Variants in SRGAP2 observed in about 807,000 individuals in gnomAD.
SRGAP2 encodes SLIT-ROBO Rho GTPase-activating protein 2.
A neutral mutation model predicts 57.2 loss-of-function variants in SRGAP2; 15 were observed. The ratio of observed to expected loss-of-function variants is 0.26; its 90% CI spans 0.18 to 0.40. SRGAP2 has a LOEUF of 0.40. Ranked by LOEUF, SRGAP2 falls within the 10% of genes least tolerant of loss-of-function variation. The pLI is 1.00. For synonymous variants in SRGAP2, 249 were observed against 248.0 expected (o/e 1.00, Z -0.04); for missense variants, 520 against 669.6 (o/e 0.78, Z 2.47).
intron 10 of SRGAP2, among the ~76,000 whole-genome samples, chr1:206,410,845 G>A (rs562032527): frequency 8.5e-5 from 13 of 152,234 alleles, no homozygotes; most frequent in African/African-American, 2.6e-4. Context: ...TTATAAGGCT[G>A]GCATTTTCCT....
intron 2 of SRGAP2, among the ~76,000 whole-genome samples, chr1:206,290,293 CTTCT>C (rs1350765543): frequency 1.3e-5 from 2 of 152,132 alleles, no homozygotes; most frequent in African/African-American, 2.4e-5. Context: ...CTTTCTGTAC[CTTCT>C]TTATCGAAAA....
intron 2 of SRGAP2, among the ~76,000 whole-genome samples, chr1:206,299,462 C>CAGGGTTTT (rs1671762554): frequency 7.4e-6 from 1 of 134,962 alleles, no homozygotes; most frequent in Non-Finnish European, 1.6e-5. Context: ...TTCTTTCTGC[C>CAGGGTTTT]CTTTTGTTTG....
chr1:206,207,563 C>G (rs1215261077), intron 2 of SRGAP2: 1 of 151,150 alleles, frequency 6.6e-6, no homozygotes, highest in Non-Finnish European at 1.5e-5. Context: ...CCTCCATGTC[C>G]TGTCCAGATG....
chr1:206,309,571 A>T (rs2102782873), intron 3 of SRGAP2, among the ~76,000 whole-genome samples: 1 of 151,570 alleles, frequency 6.6e-6, no homozygotes, highest in Admixed American at 6.5e-5. Context: ...AAAGCATAGA[A>T]CCATAATGGT....
intron 4 of SRGAP2, among the ~76,000 whole-genome samples, chr1:206,372,952 TTTCTTTTCTTTCCTTTCTTTCTTTC>T (rs1654726927): frequency 3.8e-4 from 3 of 7,960 alleles, no homozygotes; most frequent in African/African-American, 3.6e-3. Flanking sequence ...TCTTTCTTTC[TTTCTTTTCTTTCCTTTCTTTCTTTC>T]TTTCTTTCTT....
At chr1:206,421,124 T>A in intron 12 of SRGAP2, 126 bp from the exon 13 acceptor site, 1 of 554,510 alleles carries the variant, frequency 1.8e-6, no homozygotes, top group Non-Finnish European at 3.3e-6. Context: ...CACACAGATT[T>A]TTTTTAATTA....
At chr1:206,444,770 T>A (rs1469867635) in intron 17 of SRGAP2, among the ~76,000 whole-genome samples, 1 of 152,228 alleles carries the variant, frequency 6.6e-6, no homozygotes, top group Non-Finnish European at 1.5e-5. Flanking sequence ...ATTATACACT[T>A]TTAAGAACTC....
intron 2 of SRGAP2, among the ~76,000 whole-genome samples, chr1:206,293,235 CT>C (rs1671424540): frequency 6.9e-6 from 1 of 145,618 alleles, no homozygotes; most frequent in African/African-American, 2.6e-5. Flanking sequence ...TCTCCTTGAG[CT>C]TTGACTCTTC....
intron 2 of SRGAP2, among the ~76,000 whole-genome samples, chr1:206,210,201 A>G (rs1190904804): frequency 6.8e-6 from 1 of 147,868 alleles, no homozygotes; most frequent in Non-Finnish European, 1.5e-5. Flanking sequence ...AATACACATG[A>G]CTGTATACAG....
chr1:206,431,324 G>A (rs1017789394), intron 14 of SRGAP2, among the ~76,000 whole-genome samples: 3 of 152,180 alleles, frequency 2.0e-5, no homozygotes, highest in African/African-American at 7.2e-5. Flanking sequence ...ACAGAAACAG[G>A]AATAATATAC....
chr1:206,420,477 G>A lies in SRGAP2; in HGVS notation c.1470-773G>A, dbSNP rs797031939. 1.9e-4 allele frequency among the ~76,000 whole-genome samples: 29 copies of A among 152,272 alleles called. 1 individual carries two copies. Among genetic ancestry groups the A allele is most frequent in the African/African-American group, 6.5e-4 (27 of 41,554 alleles). ...TTATTTTGCTGTGAGACCTTAGGCCGCTCTTTTCCCCTCTCTGAACTCTGG... is the reference window on the plus strand; with the variant it reads ...TTATTTTGCTGTGAGACCTTAGGCCACTCTTTTCCCCTCTCTGAACTCTGG... On this transcript the variant is annotated intron_variant, in intron 12 of 22. Transcript: ENST00000573034.
Position 206,454,514 on chromosome 1 carries a change from G to T in SRGAP2, c.2361-364G>T, listed in dbSNP as rs1305777219. The T allele has an allele frequency of 2.2e-5, 9 of 416,110 alleles. No individual in the cohort carries two copies. The highest frequency in any genetic ancestry group is 3.4e-5 in the Non-Finnish European group (8 of 233,782). The allele number at this position is 416,110 out of a possible 1,614,324, so 25.8% of individuals were successfully genotyped here. ...CCCGGCAGTGCTCAGGACCTCAGCC[G>T]ATAAACCACAACCTGGACTTGCCGC... On this transcript the variant is annotated intron_variant, in intron 20 of 22. Transcript: ENST00000573034. The surrounding 1 kb of genome is among the most constrained non-coding windows in gnomAD (Gnocchi z 4.3).
At chr1:206,259,531 C>A (rs1290656285) in intron 2 of SRGAP2, among the ~76,000 whole-genome samples, 3 of 150,742 alleles carry the variant, frequency 2.0e-5, no homozygotes, top group African/African-American at 7.3e-5. Flanking sequence ...GAGACAGGGT[C>A]TCCCTATGTT....
At chr1:206,206,828 AAAATGTGGACTAGGAG>A (rs1432281050) in intron 2 of SRGAP2, 2 of 141,110 alleles carry the variant, frequency 1.4e-5, no homozygotes, top group African/African-American at 5.7e-5. Flanking sequence ...AGGGTAAAGC[AAAATGTGGACTAGGAG>A]AAACCAAGTG....
At chr1:206,427,954 C>T (rs1428297629) in intron 13 of SRGAP2, among the ~76,000 whole-genome samples, 1 of 151,982 alleles carries the variant, frequency 6.6e-6, no homozygotes, top group Admixed American at 6.6e-5. Context: ...AAAATAAAAA[C>T]GTGCTGGGTG....
At chr1:206,391,652 C>G (rs1553350529) in intron 5 of SRGAP2, among the ~76,000 whole-genome samples, 1 of 146,546 alleles carries the variant, frequency 6.8e-6, no homozygotes, top group Non-Finnish European at 1.5e-5. Context: ...TGCACACACA[C>G]ACCCAACTTC....
chr1:206,371,512 C>T (rs1283836111), intron 4 of SRGAP2, among the ~76,000 whole-genome samples: 15 of 149,016 alleles, frequency 1.0e-4, no homozygotes, highest in Non-Finnish European at 1.5e-4. Context: ...GGGCAGATCA[C>T]GAGGTCAGGA....
chr1:206,341,003 C>T (rs1245613420), intron 3 of SRGAP2, among the ~76,000 whole-genome samples: 1 of 152,088 alleles, frequency 6.6e-6, no homozygotes, highest in Non-Finnish European at 1.5e-5. Flanking sequence ...GTGAGTGGTA[C>T]CTGGATATAG....
chr1:206,360,172 C>G (rs1335076735), intron 4 of SRGAP2, among the ~76,000 whole-genome samples: 3 of 151,178 alleles, frequency 2.0e-5, no homozygotes, highest in Non-Finnish European at 4.4e-5. Context: ...GGAACTGATT[C>G]TTGGAGGAAA....
Sources: gnomAD v4.1 joint callset for allele counts (sites outside exome capture counted in the v4.1 genomes callset) on GRCh38, gnomAD v4.1.1 for gene constraint, Gnocchi (gnomAD v3.1) non-coding constraint, MANE v1.5 for transcripts, NCBI Gene and HGNC (gene_info 2026-07-23, HGNC 2026-07-21) for gene names.